The following PICALM variants were observed in gnomAD, a reference collection of about 807,000 sequenced individuals.
The protein encoded by PICALM is phosphatidylinositol binding clathrin assembly protein.
Under a neutral mutation model 80.5 loss-of-function variants are expected in PICALM, and 40 were observed. The observed-to-expected ratio is 0.50, with a 90% CI of 0.39 to 0.65. PICALM has a LOEUF of 0.65. Among genes scored for constraint, PICALM ranks in the 30% least tolerant of loss-of-function variants. The pLI, the probability that PICALM is intolerant of heterozygous loss-of-function variation, is 0.00. For synonymous variants in PICALM, 288 were observed against 260.3 expected (o/e 1.11, Z -1.02); for missense variants, 676 against 778.9 (o/e 0.87, Z 1.57).
At chr11:85,976,345 G>A (rs747106107) in intron 18 of PICALM, among the ~76,000 whole-genome samples, 1 of 152,062 alleles carries the variant, frequency 6.6e-6, no homozygotes, top group Non-Finnish European at 1.5e-5. Context: ...AGCAACAAAG[G>A]CTTAGAATTA....
rs541729313 is a variant in PICALM, at chr11:85,963,269, T to C, written c.1945-4209A>G. 5.9e-5 allele frequency among the ~76,000 whole-genome samples: 9 copies of C among 152,316 alleles called. No individual in the cohort carries two copies. In the East Asian group the frequency reaches 1.2e-3, roughly 20 times the overall value. ...TCATCAAATTTTACAAGAGAGCATA[T>C]GTAATTTGTTGTTCTGGACACCAAG... On this transcript the variant is annotated intron_variant, in intron 19 of 19. Coordinates refer to ENST00000393346, the MANE Select transcript of PICALM (RefSeq NM_007166.4).
Position 85,974,704 on chromosome 11 carries a change from A to C in PICALM, c.1944+4T>G. ...TTACCACAGTTACATGTAGTGTGTA[A>C]TACCTGTGCTCCTGATACAGGGCCA... On this transcript the variant is annotated splice_donor_region_variant and intron_variant, in intron 19 of 19. Transcript: ENST00000393346. 1 of 1,552,624 alleles carries C rather than the reference A, an allele frequency of 6.4e-7. No individual in the cohort carries two copies. The highest frequency in any genetic ancestry group is 8.9e-7 in the Non-Finnish European group (1 of 1,123,846).
chr11:85,977,189 A>C (rs2094309327), intron 17 of PICALM, among the ~76,000 whole-genome samples: 1 of 152,100 alleles, frequency 6.6e-6, no homozygotes, highest in Non-Finnish European at 1.5e-5. Flanking sequence ...TTTTCAAAAA[A>C]CTCCAAAGGT....
At position 85,981,862 on chromosome 11, in the gene PICALM, G is replaced by A. The variant is rs2094451806; in HGVS notation, c.1648+10C>T. 1 of 1,613,142 alleles carries A rather than the reference G, an allele frequency of 6.2e-7. No individual in the cohort carries two copies. Among genetic ancestry groups the A allele is most frequent in the Admixed American group, 1.7e-5 (1 of 60,004 alleles). ...ATAAAAGAAGATTAACGTATCCAAA[G>A]ACTACTTACTGCCCACAAGGTTGGC... On this transcript the variant is annotated intron_variant, in intron 15 of 19. Coordinates refer to ENST00000393346, the MANE Select transcript of PICALM (RefSeq NM_007166.4).
chr11:85,995,206 T>C (rs1434822073), intron 12 of PICALM, among the ~76,000 whole-genome samples: 1 of 152,218 alleles, frequency 6.6e-6, no homozygotes, highest in African/African-American at 2.4e-5. Flanking sequence ...CAAATATCCT[T>C]ATATGAAAGT....
intron 1 of PICALM, among the ~76,000 whole-genome samples, chr11:86,036,770 G>A (rs2095848588): frequency 1.3e-5 from 2 of 152,066 alleles, no homozygotes; most frequent in South Asian, 4.1e-4. Context: ...AAAAGTTATA[G>A]TAAAGAAAAA....
chr11:86,011,252 C>T (rs1411107691), intron 6 of PICALM, 116 bp from the exon 7 acceptor site: 3 of 561,140 alleles, frequency 5.3e-6, no homozygotes, highest in African/African-American at 3.9e-5. Context: ...ACATACCCTA[C>T]TAGAAAAATA....
intron 4 of PICALM, among the ~76,000 whole-genome samples, chr11:86,019,368 C>T (rs2095531003): frequency 6.6e-6 from 1 of 152,128 alleles, no homozygotes; most frequent in Non-Finnish European, 1.5e-5. Context: ...ATGGCTCCTC[C>T]TTGATTCAAC....
At chr11:86,005,669 C>T (rs545341013) in intron 8 of PICALM, among the ~76,000 whole-genome samples, 2 of 152,022 alleles carry the variant, frequency 1.3e-5, no homozygotes, top group East Asian at 1.9e-4. Flanking sequence ...TTTGTCAATG[C>T]GCCCCAGCCT....
At chr11:86,036,733 G>A (rs1813785994) in intron 1 of PICALM, among the ~76,000 whole-genome samples, 1 of 152,092 alleles carries the variant, frequency 6.6e-6, no homozygotes, top group Non-Finnish European at 1.5e-5. Flanking sequence ...AAGCTGTCAG[G>A]AGAAAATGTT....
chr11:86,057,464 A>G (rs1165346954), intron 1 of PICALM, among the ~76,000 whole-genome samples: 2 of 152,136 alleles, frequency 1.3e-5, no homozygotes, highest in Non-Finnish European at 2.9e-5. Flanking sequence ...GCTTGAACCC[A>G]GGAGGCAGAG....
intron 1 of PICALM, among the ~76,000 whole-genome samples, chr11:86,032,969 C>G (rs1011458796): frequency 3.9e-5 from 6 of 152,080 alleles, no homozygotes; most frequent in African/African-American, 7.2e-5. Flanking sequence ...GCTACGGTGG[C>G]CAATACTGCT....
chr11:85,982,853 A>C (rs1425011202), intron 14 of PICALM, among the ~76,000 whole-genome samples: 2 of 152,186 alleles, frequency 1.3e-5, no homozygotes, highest in Non-Finnish European at 2.9e-5. Context: ...AAAATTCTTT[A>C]AGTTTTCCTC....
At chr11:85,985,319 A>C (rs1304179100) in intron 13 of PICALM, among the ~76,000 whole-genome samples, 1 of 152,188 alleles carries the variant, frequency 6.6e-6, no homozygotes, top group African/African-American at 2.4e-5. Context: ...CAGAAACAAC[A>C]ATTTATTATT....
At position 86,068,799 on chromosome 11, in the gene PICALM, A is replaced by G; in HGVS notation, c.-19T>C. On this transcript the variant is annotated 5_prime_UTR_variant, in exon 1 of 20. Coordinates refer to ENST00000393346, the MANE Select transcript of PICALM (RefSeq NM_007166.4). ...CGGACATCTCTGCAGCTCCTCCACCACCCCACCCGCTCAGCAGCCGGCGGG... is the reference window on the plus strand; with the variant it reads ...CGGACATCTCTGCAGCTCCTCCACCGCCCCACCCGCTCAGCAGCCGGCGGG... 6.3e-7 allele frequency: 1 copy of G among 1,589,738 alleles called. No individual in the cohort carries two copies. The highest frequency in any genetic ancestry group is 8.5e-7 in the Non-Finnish European group (1 of 1,172,034).
At chr11:85,966,772 G>C (rs931157575) in intron 19 of PICALM, among the ~76,000 whole-genome samples, 7 of 152,158 alleles carry the variant, frequency 4.6e-5, no homozygotes, top group South Asian at 2.1e-4. Context: ...GAGGCACGTG[G>C]AGGTAGAGAC....
chr11:86,035,105 T>A (rs1272158011), intron 1 of PICALM, among the ~76,000 whole-genome samples: 3 of 146,222 alleles, frequency 2.1e-5, no homozygotes, highest in Non-Finnish European at 4.5e-5. Flanking sequence ...AAAACAGTAT[T>A]TTTGTATTCT....
intron 6 of PICALM, among the ~76,000 whole-genome samples, chr11:86,011,867 T>G (rs2095402163): frequency 6.6e-6 from 1 of 151,184 alleles, no homozygotes; most frequent in Non-Finnish European, 1.5e-5. Context: ...TTTTTTTTTT[T>G]GAAACTGAGT....
chr11:86,028,161 T>C (rs1272946633), intron 2 of PICALM, among the ~76,000 whole-genome samples: 1 of 152,220 alleles, frequency 6.6e-6, no homozygotes, highest in African/African-American at 2.4e-5. Flanking sequence ...TAATCAAGTT[T>C]TGATTTTGTT....
Sources: allele counts gnomAD v4.1 joint callset (sites outside exome capture counted in the v4.1 genomes callset), GRCh38; gene constraint gnomAD v4.1.1; transcripts MANE v1.5; gene names NCBI Gene and HGNC (gene_info 2026-07-23, HGNC 2026-07-21).